KLHL14: variants seen among roughly 807,000 people sequenced by gnomAD.
KLHL14 encodes kelch like family member 14, also known as kelch-like protein 14.
In KLHL14, 22 loss-of-function variants were observed where a neutral mutation model predicts 64.3. That is an observed-to-expected ratio of 0.34 (90% CI 0.24 to 0.49). The LOEUF is 0.49. KLHL14 is among the 20% of genes least tolerant of loss of function. The pLI is 0.99. For missense variants in KLHL14, 661 were observed against 789.0 expected (o/e 0.84, Z 1.94); for synonymous variants, 322 against 333.4 (o/e 0.97, Z 0.37).
At chr18:32,758,546 T>C (rs1192907610) in intron 2 of KLHL14, among the ~76,000 whole-genome samples, 1 of 152,194 alleles carries the variant, frequency 6.6e-6, no homozygotes, top group Non-Finnish European at 1.5e-5. Flanking sequence ...ATTTGTTTAA[T>C]GTTAACTGAA....
chr18:32,690,962 A>G (rs1047637527), intron 4 of KLHL14, among the ~76,000 whole-genome samples: 4 of 152,154 alleles, frequency 2.6e-5, no homozygotes, highest in African/African-American at 9.7e-5. Context: ...GAAGACTTGG[A>G]TTTCACATAA....
At chr18:32,686,373 T>C (rs930436550) in intron 5 of KLHL14, among the ~76,000 whole-genome samples, 68 of 152,120 alleles carry the variant, frequency 4.5e-4, no homozygotes, top group African/African-American at 1.6e-3. Flanking sequence ...TAGATATTAT[T>C]TGAAAAGAAC....
At chr18:32,720,973 T>C (rs2050076469) in intron 3 of KLHL14, among the ~76,000 whole-genome samples, 1 of 152,234 alleles carries the variant, frequency 6.6e-6, no homozygotes, top group Non-Finnish European at 1.5e-5. Flanking sequence ...AGCACATGTA[T>C]TTTAAGATCA....
At chr18:32,681,595 T>C (rs902009707) in intron 5 of KLHL14, among the ~76,000 whole-genome samples, 3 of 152,168 alleles carry the variant, frequency 2.0e-5, no homozygotes, top group African/African-American at 7.2e-5. Flanking sequence ...AATAATATAC[T>C]TCACAAGGAA....
At chr18:32,727,068 T>G (rs2050111680) in intron 3 of KLHL14, among the ~76,000 whole-genome samples, 1 of 152,222 alleles carries the variant, frequency 6.6e-6, no homozygotes, top group Admixed American at 6.5e-5. Flanking sequence ...GGGAGTGAAC[T>G]CCCAACCTTA....
chr18:32,754,837 A>G (rs897388542), intron 2 of KLHL14, among the ~76,000 whole-genome samples: 3 of 152,210 alleles, frequency 2.0e-5, no homozygotes, highest in Non-Finnish European at 4.4e-5. Flanking sequence ...CATTTTCAAG[A>G]AGGGAGTTTC....
chr18:32,700,544 GCATACTGTAGA>G (rs2049960784), intron 3 of KLHL14, among the ~76,000 whole-genome samples: 1 of 152,106 alleles, frequency 6.6e-6, no homozygotes, highest in South Asian at 2.1e-4. Flanking sequence ...AATGGCAGCA[GCATACTGTAGA>G]CATACTGTTT....
intron 3 of KLHL14, among the ~76,000 whole-genome samples, chr18:32,706,213 C>G (rs1169283087): frequency 6.6e-6 from 1 of 152,104 alleles, no homozygotes; most frequent in East Asian, 1.9e-4. Context: ...GCAGTTGGGC[C>G]AGGACATCAG....
intron 3 of KLHL14, among the ~76,000 whole-genome samples, chr18:32,731,487 G>C (rs879283437): frequency 6.6e-6 from 1 of 152,156 alleles, no homozygotes; most frequent in Non-Finnish European, 1.5e-5. Flanking sequence ...GTCTACTTGA[G>C]GGGGAGGGTG....
intron 2 of KLHL14, among the ~76,000 whole-genome samples, chr18:32,754,385 C>T (rs1466226403): frequency 5.3e-5 from 8 of 152,128 alleles, no homozygotes; most frequent in Admixed American, 6.5e-5. Context: ...GAAACTTTGG[C>T]ACCTGCTGCA....
chr18:32,676,296 T>G (rs1379614044), intron 8 of KLHL14, among the ~76,000 whole-genome samples: 1 of 152,160 alleles, frequency 6.6e-6, no homozygotes, highest in African/African-American at 2.4e-5. Context: ...TCTGTATAAC[T>G]GAACCTCTTT....
chr18:32,681,365 A>G (rs558197191), intron 5 of KLHL14, among the ~76,000 whole-genome samples: 5 of 152,294 alleles, frequency 3.3e-5, no homozygotes, highest in Admixed American at 1.3e-4. Flanking sequence ...ATTTGAAGAC[A>G]CTGAGGACCT....
intron 2 of KLHL14, 25 bp from the exon 3 acceptor site, chr18:32,742,074 T>C: frequency 1.2e-6 from 2 of 1,609,942 alleles, no homozygotes; most frequent in South Asian, 1.1e-5. Context: ...AAAGAGGAGA[T>C]GAATAACCAC....
intron 3 of KLHL14, among the ~76,000 whole-genome samples, chr18:32,740,538 T>C (rs1231672409): frequency 4.6e-5 from 7 of 152,190 alleles, no homozygotes; most frequent in Non-Finnish European, 8.8e-5. Flanking sequence ...GTCTCCATGT[T>C]TCTTTCTATC....
chr18:32,769,860 C>T lies in KLHL14; in HGVS notation c.732G>A (p.Leu244=), dbSNP rs778916547. The part of the protein sequence containing the change: ...SELALFQMSV[L]WLEHDRETRM... Reference sequence around the variant, plus strand: ...GGGTCTCGCGGTCGTGCTCCAGCCACAGCACGGACATCTGGAAGAGCGCCA... The same window carrying T: ...GGGTCTCGCGGTCGTGCTCCAGCCATAGCACGGACATCTGGAAGAGCGCCA... Residue 244 remains leucine, a synonymous_variant, in exon 2 of 9, where the codon CTG becomes CTA. Coordinates refer to ENST00000359358, the MANE Select transcript of KLHL14 (RefSeq NM_020805.3). The T allele has an allele frequency of 4.3e-6, 7 of 1,613,868 alleles. No individual in the cohort carries two copies. The highest frequency in any genetic ancestry group is 1.3e-5 in the African/African-American group (1 of 74,948).
chr18:32,716,383 A>C (rs963007423), intron 3 of KLHL14, among the ~76,000 whole-genome samples: 1 of 151,984 alleles, frequency 6.6e-6, no homozygotes, highest in African/African-American at 2.4e-5. Flanking sequence ...ATGAAAGTTA[A>C]AATTATTATA....
At chr18:32,694,942 T>A (rs1191929599) in intron 4 of KLHL14, among the ~76,000 whole-genome samples, 1 of 152,198 alleles carries the variant, frequency 6.6e-6, no homozygotes, top group Non-Finnish European at 1.5e-5. Context: ...ACGGGGAGGA[T>A]GGTGGATAAT....
At position 32,769,830 on chromosome 18, in the gene KLHL14, C is replaced by T. The variant is rs1248915653; in HGVS notation, c.762G>A (p.Met254Ile). 2 of 1,613,762 alleles carry T rather than the reference C, an allele frequency of 1.2e-6. No individual in the cohort carries two copies. Among genetic ancestry groups the T allele is most frequent in the Middle Eastern group, 1.7e-4 (1 of 6,060 alleles). The change falls in exon 2 of 9, where the codon ATG becomes ATA. Residue 254 changes from methionine to isoleucine, a missense_variant. By Grantham distance (10) the Met-to-Ile change is conservative. Around this residue, in one of 2 missense-constraint regions of KLHL14, gnomAD observed 331 missense variants for 339.0 expected, o/e 0.98. Coordinates refer to ENST00000359358, the MANE Select transcript of KLHL14 (RefSeq NM_020805.3). ...GCTTCATGAGGTCAGGCGCATACTG[C>T]ATGCGGGTCTCGCGGTCGTGCTCCA... ...LWLEHDRETR[M>I]QYAPDLMKRL...
At chr18:32,706,721 G>A (rs981505240) in intron 3 of KLHL14, among the ~76,000 whole-genome samples, 2 of 152,028 alleles carry the variant, frequency 1.3e-5, no homozygotes, top group African/African-American at 4.8e-5. Context: ...TGGTGAGTAG[G>A]TGTTTTTTTT....
Sources: allele counts gnomAD v4.1 joint callset (sites outside exome capture counted in the v4.1 genomes callset), GRCh38; gene constraint gnomAD v4.1.1; regional missense constraint gnomAD v4.1.1; transcripts MANE v1.5; gene names NCBI Gene and HGNC (gene_info 2026-07-23, HGNC 2026-07-21).